The following SPAG8 variants were observed in gnomAD, a reference collection of about 807,000 sequenced individuals.
SPAG8 encodes the protein sperm associated antigen 8.
SPAG8 carries 36 observed loss-of-function variants against 45.3 expected under a neutral mutation model. The ratio of observed to expected loss-of-function variants is 0.80; its 90% CI spans 0.61 to 1.05. SPAG8 has a LOEUF of 1.05. SPAG8 is among the 50% of genes least tolerant of loss of function. The pLI, the probability that SPAG8 is intolerant of heterozygous loss-of-function variation, is 0.00. For missense variants in SPAG8, 573 were observed against 609.2 expected, an observed-to-expected ratio of 0.94 and a Z score of 0.63; for synonymous variants, 227 against 232.6, an observed-to-expected ratio of 0.98 and a Z score of 0.22.
Position 35,811,734 on chromosome 9 carries a change from G to T in SPAG8, c.312C>A (p.His104Gln), listed in dbSNP as rs1449434414. The change falls in exon 2 of 7, where the codon CAC becomes CAA. Residue 104 changes from histidine (H) to glutamine (Q), a missense_variant. His to Gln is a conservative substitution (Grantham distance 24). Coordinates refer to ENST00000396638, the MANE Select transcript of SPAG8 (RefSeq NM_001039592.2). ...AGCCAAGACTCCCATGGGCTATATT[G>T]TGGGTAAAGCCGGGTCCCGCACAGG... is the stretch of plus-strand genomic sequence containing the variant. ...GEPCAGPGFTHNIAHGSLGFE... is the reference protein window; with the variant it reads ...GEPCAGPGFTQNIAHGSLGFE... 2 of 1,614,246 alleles carry T rather than the reference G, an allele frequency of 1.2e-6. No homozygotes were observed. Among genetic ancestry groups the T allele is most frequent in the East Asian group, 4.5e-5 (2 of 44,892 alleles).
downstream of SPAG8, chr9:35,808,385 A>G: frequency 2.9e-6 from 4 of 1,397,506 alleles, no homozygotes; most frequent in Non-Finnish European, 2.0e-6. This position sits in a 1 kb window ranked among gnomAD's most constrained non-coding sequence, Gnocchi z 4.0. Context: ...CTTATTTTCT[A>G]GTCAATATTC....
chr9:35,811,096 G>T, intron 2 of SPAG8, 39 bp from the exon 3 acceptor site: 1 of 1,592,922 alleles, frequency 6.3e-7, no homozygotes, highest in South Asian at 1.1e-5. Flanking sequence ...TATCCCTTCT[G>T]GTACCCACCC....
At position 35,810,934 on chromosome 9, in the gene SPAG8, T is replaced by A; in HGVS notation, c.988A>T (p.Thr330Ser). The change falls in exon 3 of 7, where the codon ACC becomes TCC. Residue 330 changes from threonine to serine, a missense_variant. Transcript: ENST00000396638. ...GGTGGCTGGTACGAGTCTTTCTGGGTGGTGCTGGAGGGCATGGGTGACTTT... is the reference window on the plus strand; with the variant it reads ...GGTGGCTGGTACGAGTCTTTCTGGGAGGTGCTGGAGGGCATGGGTGACTTT... ...QLKSPMPSST[T>S]QKDSYQPPGN... 6.2e-7 allele frequency: 1 copy of A among 1,613,834 alleles called. No homozygotes were observed. Among genetic ancestry groups the A allele is most frequent in the African/African-American group, 1.3e-5 (1 of 74,942 alleles).
chr9:35,808,638 C>T, downstream of SPAG8: 1 of 1,614,192 alleles, frequency 6.2e-7, no homozygotes, highest in Non-Finnish European at 8.5e-7. The surrounding 1 kb of genome is among the most constrained non-coding windows in gnomAD (Gnocchi z 4.0). Flanking sequence ...TCGCATCCGC[C>T]ACCGACCCCA....
downstream of SPAG8, chr9:35,808,340 G>A (rs1828533533): frequency 6.7e-7 from 1 of 1,493,454 alleles, no homozygotes; most frequent in African/African-American, 1.4e-5. The surrounding 1 kb of genome is among the most constrained non-coding windows in gnomAD (Gnocchi z 4.0). Flanking sequence ...AGATTCCCTA[G>A]ACATCTCCTC....
chr9:35,808,902 C>G (rs769742913), downstream of SPAG8: 9 of 1,155,006 alleles, frequency 7.8e-6, no homozygotes, highest in South Asian at 1.1e-4. The surrounding 1 kb of genome is among the most constrained non-coding windows in gnomAD (Gnocchi z 4.0). Flanking sequence ...TTATCTTGCC[C>G]TTTTCTTCTT....
chr9:35,810,393 G>A (rs767694455), intron 5 of SPAG8, 46 bp downstream of exon 5: 1 of 1,605,682 alleles, frequency 6.2e-7, no homozygotes, highest in Non-Finnish European at 8.5e-7. Flanking sequence ...CAGCCTGTCA[G>A]AGCCCAGCTG....
chr9:35,810,689 G>A lies in SPAG8; in HGVS notation c.1040-7C>T. 1 of 1,614,190 alleles carries A rather than the reference G, an allele frequency of 6.2e-7. No homozygotes were observed. Among genetic ancestry groups the A allele is most frequent in the South Asian group, 1.1e-5 (1 of 91,086 alleles). Reference sequence around the variant, plus strand: ...AGCATGGCTTCACGCTTCCCTGTGAGAGAGTTGGGGGGTGGGCAAGGTGGG... The same window carrying A: ...AGCATGGCTTCACGCTTCCCTGTGAAAGAGTTGGGGGGTGGGCAAGGTGGG... On this transcript the variant is annotated splice_region_variant and splice_polypyrimidine_tract_variant and intron_variant, in intron 3 of 6. Coordinates refer to ENST00000396638, the MANE Select transcript of SPAG8 (RefSeq NM_001039592.2).
chr9:35,809,328 C>T (rs1588075227), downstream of SPAG8: 2 of 1,611,282 alleles, frequency 1.2e-6, no homozygotes, highest in Non-Finnish European at 1.7e-6. The surrounding 1 kb of genome is among the most constrained non-coding windows in gnomAD (Gnocchi z 4.1). Flanking sequence ...GAGAGGGAGA[C>T]AAAGGGACTA....
At chr9:35,810,409 A>C in intron 5 of SPAG8, 30 bp downstream of exon 5, 3 of 1,172,374 alleles carry the variant, frequency 2.6e-6, no homozygotes, top group Non-Finnish European at 3.7e-6. Context: ...AGCTGGTGCA[A>C]GTGGCGGGGG....
Position 35,812,252 on chromosome 9 carries a change from C to A in SPAG8, c.-105G>T. 1 of 1,305,904 alleles carries A rather than the reference C, an allele frequency of 7.7e-7. No individual in the cohort carries two copies. Among genetic ancestry groups the A allele is most frequent in the Non-Finnish European group, 1.1e-6 (1 of 937,640 alleles). The allele number at this position is 1,305,904 out of a possible 1,614,324, so 80.9% of individuals were successfully genotyped here. A position where few individuals can be genotyped will look rare whatever the true frequency, so the allele number is the denominator to read the frequency against. ...TTGCAGGTGGCGGTGGAGGCAAGTC[C>A]TCTGCGGGGCGGAAGTCTTCAGCCT... On this transcript the variant is annotated 5_prime_UTR_variant, in exon 1 of 7. The change creates a new upstream start codon in the 5' untranslated region. Transcript: ENST00000396638.
Position 35,810,462 on chromosome 9 carries a change from C to T in SPAG8, c.1177G>A (p.Ala393Thr), listed in dbSNP as rs200293173. 121 of 1,613,996 alleles carry T rather than the reference C, an allele frequency of 7.5e-5. No homozygotes were observed. Among genetic ancestry groups the T allele is most frequent in the Non-Finnish European group, 9.5e-5 (112 of 1,179,928 alleles). Residue 393 changes from alanine (A) to threonine (T), a missense_variant, in exon 5 of 7, where the codon GCA (alanine) becomes ACA (threonine). Physicochemically the swap from Ala to Thr is moderately conservative, Grantham distance 58. Coordinates refer to ENST00000396638, the MANE Select transcript of SPAG8 (RefSeq NM_001039592.2). Reference protein sequence around the residue: ...HHDYRMELAQAGTPAPTKPHD... With the variant: ...HHDYRMELAQTGTPAPTKPHD... The stretch of plus-strand genomic sequence containing the variant: ...ACCTTTGTTGGGGCAGGAGTCCCTG[C>T]TTGTGCCAGCTCCATTCGGTAGTCA...
In SPAG8 at chr9:35,811,333, T is replaced by C; in HGVS notation, c.713A>G (p.Glu238Gly). Residue 238 changes from glutamate (E) to glycine (G), a missense_variant, in exon 2 of 7, where the codon GAG becomes GGG. By Grantham distance (98) the Glu-to-Gly change is moderately conservative (BLOSUM62 -2). Coordinates refer to ENST00000396638, the MANE Select transcript of SPAG8 (RefSeq NM_001039592.2). ...YTSWSQHCPW[E>G]PQKQPPWEFL... ...TTCCCAAGGTGGTTGTTTCTGGGGC[T>C]CCCAGGGGCAGTGCTGACTCCAGGA... The C allele has an allele frequency of 6.2e-7, 1 of 1,614,154 alleles. No individual in the cohort carries two copies. Among genetic ancestry groups the C allele is most frequent in the East Asian group, 2.2e-5 (1 of 44,880 alleles).
downstream of SPAG8, chr9:35,808,669 T>C (rs1450948834): frequency 1.3e-5 from 21 of 1,614,084 alleles, no homozygotes; most frequent in Middle Eastern, 1.6e-4. This position sits in a 1 kb window ranked among gnomAD's most constrained non-coding sequence, Gnocchi z 4.0. Context: ...AGGCTACGCA[T>C]AGGGGTCCAT....
At chr9:35,809,169 T>G, downstream of SPAG8, 1 of 1,613,944 alleles carries the variant, frequency 6.2e-7, no homozygotes, top group Non-Finnish European at 8.5e-7. The surrounding 1 kb of genome is among the most constrained non-coding windows in gnomAD (Gnocchi z 4.1). Flanking sequence ...TGAAGATCCA[T>G]GTCTCCTCTA....
At position 35,811,885 on chromosome 9, in the gene SPAG8, GC is replaced by G. The variant is rs757520488; in HGVS notation, c.160del (p.Ala54LeufsTer53). The part of the protein sequence containing the change: ...LAAATAAAAA[A>X]ASAAAATAAF... ...TGCAGTAGCTGCAGCAGCTGATGCAGCCGCTGCAGCTGCTGCGGTTGCAGCT... is the reference window on the plus strand; with the variant it reads ...TGCAGTAGCTGCAGCAGCTGATGCAGCGCTGCAGCTGCTGCGGTTGCAGCT... On this transcript the variant is annotated frameshift_variant, in exon 2 of 7. Coordinates refer to ENST00000396638, the MANE Select transcript of SPAG8 (RefSeq NM_001039592.2). LOFTEE classifies it high-confidence loss of function. 2 of 1,609,780 alleles carry G rather than the reference GC, an allele frequency of 1.2e-6. No individual in the cohort carries two copies. Among genetic ancestry groups the G allele is most frequent in the Admixed American group, 3.3e-5 (2 of 59,938 alleles).
chr9:35,808,387 T>A (rs185890146), downstream of SPAG8: 334 of 1,400,130 alleles, frequency 2.4e-4, 1 homozygote, highest in East Asian at 6.4e-3. The surrounding 1 kb of genome is among the most constrained non-coding windows in gnomAD (Gnocchi z 4.0). Flanking sequence ...TATTTTCTAG[T>A]CAATATTCTG....
At chr9:35,809,303 G>A (rs528335167), downstream of SPAG8, 25 of 1,609,832 alleles carry the variant, frequency 1.6e-5, no homozygotes, top group South Asian at 2.7e-4. This position sits in a 1 kb window ranked among gnomAD's most constrained non-coding sequence, Gnocchi z 4.1. Context: ...AGTGATTATG[G>A]GAATCATAGG....
chr9:35,810,352 T>C, intron 5 of SPAG8, 43 bp from the exon 6 acceptor site: 1 of 1,612,864 alleles, frequency 6.2e-7, no homozygotes, highest in Non-Finnish European at 8.5e-7. Flanking sequence ...TTCAGCCCTC[T>C]CTCTCAACCT....
Sources: allele counts gnomAD v4.1 joint callset, GRCh38; gene constraint gnomAD v4.1.1; non-coding constraint Gnocchi (gnomAD v3.1); transcripts MANE v1.5; gene names NCBI Gene and HGNC (gene_info 2026-07-23, HGNC 2026-07-21).